Variants in ZSCAN5A observed in about 807,000 individuals in gnomAD.
ZSCAN5A encodes the protein zinc finger and SCAN domain containing 5A.
In ZSCAN5A, 12 loss-of-function variants were observed where a neutral mutation model predicts 23.7. The ratio of observed to expected loss-of-function variants is 0.51; its 90% CI spans 0.32 to 0.82. The LOEUF (loss-of-function observed/expected upper bound fraction) is 0.82, where lower values mean the gene tolerates loss of function less well. Ranked by LOEUF, ZSCAN5A falls within the 40% of genes least tolerant of loss-of-function variation. The pLI is 0.03. For missense variants in ZSCAN5A, 597 were observed against 617.9 expected, an observed-to-expected ratio of 0.97 and a Z score of 0.36; for synonymous variants, 257 against 239.9, an observed-to-expected ratio of 1.07 and a Z score of -0.66.
At chr19:56,264,142 C>T (rs1009890171) in intron 2 of ZSCAN5A, among the ~76,000 whole-genome samples, 44 of 151,942 alleles carry the variant, frequency 2.9e-4, no homozygotes, top group Admixed American at 1.8e-3. Flanking sequence ...TGCAGGCACC[C>T]GCCACCTCAC....
chr19:56,221,395 A>G lies in ZSCAN5A; in HGVS notation c.*180T>C, dbSNP rs192216899. ...ATAAGAAAACAATGGACATAATGAAACAGAAAACAAAGCTCAGTGGGGAGG... is the reference window on the plus strand; with the variant it reads ...ATAAGAAAACAATGGACATAATGAAGCAGAAAACAAAGCTCAGTGGGGAGG... On this transcript the variant is annotated 3_prime_UTR_variant, in exon 6 of 6. Transcript: ENST00000683990. 2 of 635,602 alleles carry G rather than the reference A, an allele frequency of 3.1e-6. No homozygotes were observed. Among genetic ancestry groups the G allele is most frequent in the Non-Finnish European group, 5.1e-6 (2 of 394,542 alleles). 39.4% of individuals were successfully genotyped at this position (635,602 alleles called of 1,614,324 possible).
intron 2 of ZSCAN5A, chr19:56,244,167 C>T (rs116343887): frequency 0.053 from 85,812 of 1,610,466 alleles, 2,497 homozygotes; most frequent in South Asian, 0.06. Context: ...GACCCTGAGA[C>T]TTGTCACGTG....
At chr19:56,239,550 T>C (rs1295973522) in intron 2 of ZSCAN5A, among the ~76,000 whole-genome samples, 2 of 152,226 alleles carry the variant, frequency 1.3e-5, no homozygotes, top group Non-Finnish European at 2.9e-5. Flanking sequence ...GTGGGGACCA[T>C]GTGCCTTTCT....
upstream of ZSCAN5A, among the ~76,000 whole-genome samples, chr19:56,318,598 G>C (rs8109832): frequency 6.6e-6 from 1 of 152,122 alleles, no homozygotes; most frequent in African/African-American, 2.4e-5. Flanking sequence ...TGCAAACATT[G>C]CAAGTTATAG....
intron 2 of ZSCAN5A, among the ~76,000 whole-genome samples, chr19:56,330,206 TACC>T (rs746926939): frequency 1.2e-4 from 18 of 152,268 alleles, no homozygotes; most frequent in Non-Finnish European, 2.4e-4. Flanking sequence ...GGTGTATATG[TACC>T]ACATTTTCTT....
At chr19:56,307,242 TCCCTGGCATC>T (rs2040747232) in intron 2 of ZSCAN5A, among the ~76,000 whole-genome samples, 1 of 152,168 alleles carries the variant, frequency 6.6e-6, no homozygotes, top group African/African-American at 2.4e-5. Flanking sequence ...TTTCATCCTC[TCCCTGGCATC>T]CCCAGTGCCC....
intron 2 of ZSCAN5A, among the ~76,000 whole-genome samples, chr19:56,345,068 A>G (rs569063604): frequency 9.2e-5 from 14 of 151,916 alleles, no homozygotes; most frequent in Non-Finnish European, 1.9e-4. Flanking sequence ...ACACGCCACT[A>G]CAAATCCAGC....
intron 2 of ZSCAN5A, among the ~76,000 whole-genome samples, chr19:56,225,710 ATT>A (rs1485075934): frequency 6.6e-6 from 1 of 152,190 alleles, no homozygotes; most frequent in African/African-American, 2.4e-5. Context: ...ACATTCATAA[ATT>A]TCATCATTTT....
chr19:56,235,031 A>C (rs996194408), intron 2 of ZSCAN5A, among the ~76,000 whole-genome samples: 18 of 151,998 alleles, frequency 1.2e-4, no homozygotes, highest in African/African-American at 4.4e-4. Context: ...TGTGATAACG[A>C]GACAGAAGCC....
intron 1 of ZSCAN5A, among the ~76,000 whole-genome samples, chr19:56,366,823 A>T (rs1369713708): frequency 6.6e-6 from 1 of 152,212 alleles, no homozygotes; most frequent in African/African-American, 2.4e-5. Flanking sequence ...TGCAGACCAT[A>T]GAACACTTCC....
At chr19:56,321,068 T>C in intron 2 of ZSCAN5A, 3 of 703,658 alleles carry the variant, frequency 4.3e-6, no homozygotes, top group Non-Finnish European at 8.1e-6. Flanking sequence ...TTTCAGGAGA[T>C]AGACTGAGTA....
chr19:56,223,170 C>T (rs2033477351), intron 4 of ZSCAN5A, among the ~76,000 whole-genome samples: 1 of 152,162 alleles, frequency 6.6e-6, no homozygotes, highest in African/African-American at 2.4e-5. Flanking sequence ...ATGCTATTAA[C>T]ACCCCACCAT....
chr19:56,260,572 A>T lies in ZSCAN5A; in HGVS notation c.-127-35399T>A, dbSNP rs183332650. On this transcript the variant is annotated intron_variant, in intron 2 of 5. Transcript: ENST00000683990. Reference sequence around the variant, plus strand: ...TTTTTTCCCTCTGGTGTTGAAACTAATATAATTACATATTTTAATGTGCAG... The same window carrying T: ...TTTTTTCCCTCTGGTGTTGAAACTATTATAATTACATATTTTAATGTGCAG... Among the ~76,000 whole-genome samples the T allele has an allele frequency of 2.0e-5, 3 of 151,948 alleles. No homozygotes were observed. The East Asian group carries it at 5.8e-4, about 29-fold the overall frequency.
At chr19:56,226,601 T>C (rs1322005447) in intron 2 of ZSCAN5A, among the ~76,000 whole-genome samples, 1 of 152,184 alleles carries the variant, frequency 6.6e-6, no homozygotes, top group Non-Finnish European at 1.5e-5. Flanking sequence ...AGGGGTCCTC[T>C]GCGCCCTGTG....
chr19:56,252,329 G>C (rs1478689564), intron 2 of ZSCAN5A, among the ~76,000 whole-genome samples: 2 of 152,180 alleles, frequency 1.3e-5, no homozygotes, highest in African/African-American at 2.4e-5. Context: ...AAAGGTTGGG[G>C]CCGCCCAGGA....
intron 2 of ZSCAN5A, chr19:56,320,170 T>C: frequency 1.4e-6 from 1 of 707,556 alleles, no homozygotes; most frequent in Non-Finnish European, 2.7e-6. Context: ...AGAAACTTCC[T>C]GGTTGTTTCA....
intron 2 of ZSCAN5A, among the ~76,000 whole-genome samples, chr19:56,296,789 T>A (rs995457305): frequency 6.6e-6 from 1 of 152,104 alleles, no homozygotes; most frequent in South Asian, 2.1e-4. Flanking sequence ...ATCCCAGCAC[T>A]TTGGGAGGCC....
At chr19:56,263,847 T>C (rs181269898) in intron 2 of ZSCAN5A, among the ~76,000 whole-genome samples, 9 of 152,286 alleles carry the variant, frequency 5.9e-5, no homozygotes, top group Admixed American at 5.9e-4. Context: ...AGTATTATGC[T>C]TCTATGAGCC....
At chr19:56,305,705 G>A (rs376851015) in intron 2 of ZSCAN5A, among the ~76,000 whole-genome samples, 2 of 152,160 alleles carry the variant, frequency 1.3e-5, no homozygotes, top group East Asian at 1.9e-4. Flanking sequence ...AAAACAATTA[G>A]ATGATTACAG....
Sources: gnomAD v4.1 joint callset for allele counts (sites outside exome capture counted in the v4.1 genomes callset) on GRCh38, gnomAD v4.1.1 for gene constraint, MANE v1.5 for transcripts, NCBI Gene and HGNC (gene_info 2026-07-23, HGNC 2026-07-21) for gene names.